TRPM3: variants seen among roughly 807,000 people sequenced by gnomAD.
TRPM3 encodes transient receptor potential cation channel subfamily M member 3.
Under a neutral mutation model 181.2 loss-of-function variants are expected in TRPM3, and 77 were observed. The ratio of observed to expected loss-of-function variants is 0.42; its 90% CI spans 0.35 to 0.51. TRPM3 has a LOEUF of 0.51. Ranked by LOEUF, TRPM3 falls within the 20% of genes least tolerant of loss-of-function variation. TRPM3 has a pLI of 0.01. For missense variants in TRPM3, 1,759 were observed against 2,196.7 expected, an observed-to-expected ratio of 0.80 and a Z score of 3.98; for synonymous variants, 745 against 796.4, an observed-to-expected ratio of 0.94 and a Z score of 1.09.
intron 9 of TRPM3, among the ~76,000 whole-genome samples, chr9:70,645,080 C>A (rs182461223): frequency 1.3e-5 from 2 of 152,288 alleles, no homozygotes; most frequent in Admixed American, 6.5e-5. Context: ...AATGGAAAAA[C>A]ATTCCTTGCT....
intron 1 of TRPM3, among the ~76,000 whole-genome samples, chr9:71,068,194 C>G (rs2062188675): frequency 6.6e-6 from 1 of 152,216 alleles, no homozygotes; most frequent in African/African-American, 2.4e-5. Context: ...GAAGATTTCT[C>G]TGTTTTCCAT....
In TRPM3 at chr9:71,038,845, C is replaced by G. The variant is rs568040795; in HGVS notation, c.177+82333G>C. On this transcript the variant is annotated intron_variant, in intron 1 of 25. Coordinates refer to ENST00000677713, the MANE Select transcript of TRPM3 (RefSeq NM_001366145.2). The stretch of plus-strand genomic sequence containing the variant: ...CAGAATGAGGAGTGGGGATCACATT[C>G]CAAGCAGAGGAAACAGTACCTGCTG... 2.6e-5 allele frequency among the ~76,000 whole-genome samples: 4 copies of G among 152,054 alleles called. No homozygotes were observed. The South Asian group carries it at 6.2e-4, about 24-fold the overall frequency.
rs2041587677 is a variant in TRPM3 at position 70,535,864 on chromosome 9, G to A, written c.*89C>T. The A allele has an allele frequency of 6.6e-7, 1 of 1,519,546 alleles. No homozygotes were observed. Among genetic ancestry groups the A allele is most frequent in the African/African-American group, 1.4e-5 (1 of 71,774 alleles). 94.1% of individuals were successfully genotyped at this position (1,519,546 alleles called of 1,614,324 possible). On this transcript the variant is annotated 3_prime_UTR_variant, in exon 26 of 26. Transcript: ENST00000677713. ...GTTTTGCTCAGCTAAGAATAAAGCA[G>A]GTATGATTCAAGGAAAGGGGAAAAA...
At chr9:71,117,465 T>G (rs917417352) in intron 1 of TRPM3, among the ~76,000 whole-genome samples, 12 of 152,164 alleles carry the variant, frequency 7.9e-5, no homozygotes, top group Non-Finnish European at 1.8e-4. Context: ...TCCATTTTAA[T>G]ATTCAATTCT....
At chr9:71,169,829 T>C (rs2076752874) in intron 1 of TRPM3, among the ~76,000 whole-genome samples, 1 of 150,904 alleles carries the variant, frequency 6.6e-6, no homozygotes, top group Non-Finnish European at 1.5e-5. Context: ...ATATTTTTTA[T>C]ATTTTTATAT....
rs367660235 is a variant in TRPM3 at position 71,121,184 on chromosome 9, A to C, written c.171T>G (p.Leu57=). 1 of 1,613,266 alleles carries C rather than the reference A, an allele frequency of 6.2e-7. No individual in the cohort carries two copies. Among genetic ancestry groups the C allele is most frequent in the Non-Finnish European group, 8.5e-7 (1 of 1,179,734 alleles). Residue 57 remains leucine (L), a synonymous_variant, in exon 1 of 26, where the codon CTT becomes CTG. Coordinates refer to ENST00000677713, the MANE Select transcript of TRPM3 (RefSeq NM_001366145.2). ...AAGCTGCAAGTTACAGTACCTTCAG[A>C]AGTCTGACAGATGGAAGAAAGGCTG... ...CHAAFLPSVR[L]LKAQKSWIER...
intron 8 of TRPM3, among the ~76,000 whole-genome samples, chr9:70,742,741 G>C (rs1265336855): frequency 1.3e-5 from 2 of 152,152 alleles, no homozygotes; most frequent in Non-Finnish European, 2.9e-5. Context: ...CACATACATA[G>C]TAACAGTTGT....
At chr9:71,262,673 G>A (rs1469657139) in intron 1 of TRPM3, among the ~76,000 whole-genome samples, 1 of 152,226 alleles carries the variant, frequency 6.6e-6, no homozygotes, top group South Asian at 2.1e-4. Context: ...AGGCACCCGA[G>A]GGAATCTCCT....
rs372187092 is a variant in TRPM3 at position 71,097,037 on chromosome 9, C to A, written c.177+24141G>T. On this transcript the variant is annotated intron_variant, in intron 1 of 25. Coordinates refer to ENST00000677713, the MANE Select transcript of TRPM3 (RefSeq NM_001366145.2). ...ATTCCTGTGACCTATTTGGCCAGCG[C>A]CCAGGCAACACTAGCGGTTTCCTAT... is the stretch of plus-strand genomic sequence containing the variant. Among the ~76,000 whole-genome samples, 5 of 152,212 alleles carry A rather than the reference C, an allele frequency of 3.3e-5. No homozygotes were observed. In the East Asian group the frequency reaches 9.7e-4, roughly 29 times the overall value.
chr9:71,371,023 G>A (rs1408149602), intron 1 of TRPM3, among the ~76,000 whole-genome samples: 2 of 151,352 alleles, frequency 1.3e-5, no homozygotes, highest in Non-Finnish European at 2.9e-5. Context: ...TTACAGAATG[G>A]TTTACTGAAT....
chr9:70,950,123 A>G lies in TRPM3; in HGVS notation c.178-85612T>C, dbSNP rs367815812. ...GATATTTCTTTCAAATTGAGATGGT[A>G]AAGTCTGTATAGTATTGCAATTTCT... On this transcript the variant is annotated intron_variant, in intron 1 of 25. Coordinates refer to ENST00000677713, the MANE Select transcript of TRPM3 (RefSeq NM_001366145.2). Among the ~76,000 whole-genome samples the G allele has an allele frequency of 4.6e-5, 7 of 152,308 alleles. No homozygotes were observed. In the East Asian group the frequency reaches 1.3e-3, roughly 29 times the overall value.
chr9:71,036,783 C>T (rs1027220285), intron 1 of TRPM3, among the ~76,000 whole-genome samples: 2 of 152,146 alleles, frequency 1.3e-5, no homozygotes, highest in Non-Finnish European at 1.5e-5. Flanking sequence ...CATGGAAAAC[C>T]GGACAACTGC....
chr9:71,040,536 A>T lies in TRPM3; in HGVS notation c.177+80642T>A, dbSNP rs77233593. Among the ~76,000 whole-genome samples the T allele has an allele frequency of 5.2e-3, 787 of 152,318 alleles. 18 individuals carry two copies. The East Asian group carries it at 0.077, about 15-fold the overall frequency. Reference sequence around the variant, plus strand: ...AGCATCTCTTTGAATAAACACTTTTAAAAAATTGCCTTTGATTAGAATTAA... The same window carrying T: ...AGCATCTCTTTGAATAAACACTTTTTAAAAATTGCCTTTGATTAGAATTAA... On this transcript the variant is annotated intron_variant, in intron 1 of 25. Transcript: ENST00000677713.
intron 2 of TRPM3, among the ~76,000 whole-genome samples, chr9:70,864,149 C>G (rs990581998): frequency 6.6e-6 from 1 of 151,906 alleles, no homozygotes; most frequent in Non-Finnish European, 1.5e-5. Flanking sequence ...AAAGGAAAAA[C>G]CAATAACCAT....
At chr9:70,747,847 A>G (rs184140342) in intron 8 of TRPM3, among the ~76,000 whole-genome samples, 7 of 152,136 alleles carry the variant, frequency 4.6e-5, no homozygotes, top group Admixed American at 1.3e-4. Context: ...GCAATAGTCT[A>G]GGCAAGGAAG....
At chr9:71,103,673 G>C (rs767583579) in intron 1 of TRPM3, among the ~76,000 whole-genome samples, 1 of 152,140 alleles carries the variant, frequency 6.6e-6, no homozygotes, top group African/African-American at 2.4e-5. Context: ...GATAAAGCAT[G>C]TTCCCAAAGA....
intron 1 of TRPM3, among the ~76,000 whole-genome samples, chr9:70,868,354 C>T (rs1269147856): frequency 6.6e-6 from 1 of 151,908 alleles, no homozygotes; most frequent in Non-Finnish European, 1.5e-5. Flanking sequence ...ATAATGATTA[C>T]CCTCAAAGAA....
At chr9:71,189,911 T>C (rs1431134007) in intron 1 of TRPM3, among the ~76,000 whole-genome samples, 3 of 151,922 alleles carry the variant, frequency 2.0e-5, no homozygotes, top group African/African-American at 7.2e-5. Flanking sequence ...AACAGTCATA[T>C]ATAGTGTTTC....
At chr9:70,641,394 T>C (rs897098512) in intron 9 of TRPM3, among the ~76,000 whole-genome samples, 2 of 152,202 alleles carry the variant, frequency 1.3e-5, no homozygotes, top group African/African-American at 2.4e-5. Context: ...GTATTTTGCA[T>C]GGGGAGGGTG....
Sources: allele counts gnomAD v4.1 joint callset (sites outside exome capture counted in the v4.1 genomes callset), GRCh38; gene constraint gnomAD v4.1.1; transcripts MANE v1.5; gene names NCBI Gene and HGNC (gene_info 2026-07-23, HGNC 2026-07-21).